AOPEP: variants seen among roughly 807,000 people sequenced by gnomAD.
AOPEP encodes the protein aminopeptidase O.
Under a neutral mutation model 98.1 loss-of-function variants are expected in AOPEP, and 77 were observed. The ratio of observed to expected loss-of-function variants is 0.78; its 90% CI spans 0.65 to 0.95. The LOEUF is 0.95. Among genes scored for constraint, AOPEP ranks in the 40% least tolerant of loss-of-function variants. AOPEP has a pLI of 0.00. For missense variants in AOPEP, 1,024 were observed against 1,024.7 expected, an observed-to-expected ratio of 1.00 and a Z score of 0.01; for synonymous variants, 346 against 365.3, an observed-to-expected ratio of 0.95 and a Z score of 0.60.
At chr9:95,077,719 CG>C (rs1433235696) in intron 14 of AOPEP, among the ~76,000 whole-genome samples, 1 of 152,106 alleles carries the variant, frequency 6.6e-6, no homozygotes, top group East Asian at 1.9e-4. Flanking sequence ...TGAAGCCCCT[CG>C]GTGGTCTGGA....
intron 5 of AOPEP, among the ~76,000 whole-genome samples, chr9:94,841,410 G>A (rs2042256019): frequency 6.6e-6 from 1 of 152,124 alleles, no homozygotes; most frequent in Non-Finnish European, 1.5e-5. Context: ...CTAACCTCAG[G>A]TGATCCGCCT....
chr9:94,921,822 G>A (rs2053653418), intron 5 of AOPEP, among the ~76,000 whole-genome samples: 1 of 152,126 alleles, frequency 6.6e-6, no homozygotes, highest in Non-Finnish European at 1.5e-5. Flanking sequence ...GCAGATAGTG[G>A]GGTCATTTGT....
intron 7 of AOPEP, among the ~76,000 whole-genome samples, chr9:94,943,603 A>G (rs1266740776): frequency 6.7e-6 from 1 of 149,304 alleles, no homozygotes; most frequent in Non-Finnish European, 1.5e-5. Flanking sequence ...CAAATAAAAA[A>G]AAAAAAGAAA....
At chr9:94,895,590 T>G (rs937441841) in intron 5 of AOPEP, among the ~76,000 whole-genome samples, 1 of 152,058 alleles carries the variant, frequency 6.6e-6, no homozygotes, top group Non-Finnish European at 1.5e-5. Flanking sequence ...CCTGCTTTTT[T>G]CTTTTTTCTT....
intron 7 of AOPEP, among the ~76,000 whole-genome samples, chr9:94,935,933 A>G (rs1248086520): frequency 6.6e-6 from 1 of 152,144 alleles, no homozygotes; most frequent in Non-Finnish European, 1.5e-5. Context: ...AGGTCCACCC[A>G]CAACAGGGTA....
chr9:94,892,841 G>A (rs2049026055), intron 5 of AOPEP, among the ~76,000 whole-genome samples: 1 of 152,138 alleles, frequency 6.6e-6, no homozygotes, highest in Admixed American at 6.5e-5. Flanking sequence ...AGCCTGTCAA[G>A]TAGGTAGGAC....
intron 16 of AOPEP, among the ~76,000 whole-genome samples, chr9:95,083,547 C>A (rs944243570): frequency 2.7e-5 from 4 of 149,296 alleles, no homozygotes; most frequent in Non-Finnish European, 5.9e-5. Flanking sequence ...AGAGTACACG[C>A]GGCACACACA....
intron 13 of AOPEP, 89 bp downstream of exon 13, chr9:95,005,705 T>C: frequency 2.9e-6 from 3 of 1,040,614 alleles, no homozygotes; most frequent in Non-Finnish European, 4.5e-6. Context: ...AGAGTAGTGT[T>C]TAATTTAAAA....
At chr9:95,033,027 A>C (rs909065156) in intron 13 of AOPEP, among the ~76,000 whole-genome samples, 2 of 152,188 alleles carry the variant, frequency 1.3e-5, no homozygotes, top group Non-Finnish European at 2.9e-5. Context: ...TGCAGTTGGA[A>C]AAAGTGCAGT....
intron 3 of AOPEP, among the ~76,000 whole-genome samples, chr9:94,785,408 G>T (rs77350276): frequency 0.016 from 2,493 of 152,302 alleles, 78 homozygotes; most frequent in African/African-American, 0.056. Context: ...TACGATACAT[G>T]TATCTTACTA....
intron 7 of AOPEP, among the ~76,000 whole-genome samples, chr9:94,952,876 A>G (rs2058202736): frequency 1.3e-5 from 2 of 152,236 alleles, no homozygotes; most frequent in South Asian, 2.1e-4. Flanking sequence ...TTTGGAGAGG[A>G]TGGAAGAAGA....
intron 13 of AOPEP, among the ~76,000 whole-genome samples, chr9:95,044,059 C>T (rs1159764901): frequency 6.6e-6 from 1 of 152,122 alleles, no homozygotes; most frequent in Non-Finnish European, 1.5e-5. Context: ...TGAGATAACA[C>T]GTGCGAAGTT....
At chr9:94,733,764 C>T (rs1045969135) in intron 1 of AOPEP, among the ~76,000 whole-genome samples, 7 of 152,100 alleles carry the variant, frequency 4.6e-5, no homozygotes, top group Non-Finnish European at 7.4e-5. Flanking sequence ...TAAGCTATAC[C>T]AAATGCATTT....
chr9:94,871,090 A>G (rs1327295678), intron 5 of AOPEP, among the ~76,000 whole-genome samples: 1 of 152,218 alleles, frequency 6.6e-6, no homozygotes, highest in African/African-American at 2.4e-5. Flanking sequence ...ATTCTCTGCA[A>G]AGGTCTGTAG....
chr9:94,946,548 T>C (rs2057651317), intron 7 of AOPEP, among the ~76,000 whole-genome samples: 1 of 152,186 alleles, frequency 6.6e-6, no homozygotes, highest in Non-Finnish European at 1.5e-5. Flanking sequence ...GCCTGATCCT[T>C]AGAATGGCCC....
intron 5 of AOPEP, among the ~76,000 whole-genome samples, chr9:94,807,707 C>T (rs1849538570): frequency 6.6e-6 from 1 of 152,218 alleles, no homozygotes; most frequent in Admixed American, 6.5e-5. Context: ...GGGATATTCC[C>T]AATCTTGCAA....
intron 5 of AOPEP, among the ~76,000 whole-genome samples, chr9:94,839,966 C>G (rs74860209): frequency 0.031 from 4,667 of 152,194 alleles, 242 homozygotes; most frequent in African/African-American, 0.11. Flanking sequence ...TGGTGCCTTG[C>G]TATGTTGTCC....
chr9:95,122,714 A>C, the AOPEP span, among the ~76,000 whole-genome samples: 2 of 152,338 alleles, frequency 1.3e-5, no homozygotes, highest in African/African-American at 4.8e-5. Flanking sequence ...AAGAGGCGCG[A>C]GCTAACCCTA....
chr9:94,793,677 G>T (rs1379051583), intron 4 of AOPEP, among the ~76,000 whole-genome samples: 1 of 127,462 alleles, frequency 7.8e-6, no homozygotes, highest in Non-Finnish European at 1.7e-5. Flanking sequence ...CTCTGTCTTG[G>T]AAAAAAAAAA....
Sources: allele counts gnomAD v4.1 joint callset (sites outside exome capture counted in the v4.1 genomes callset), GRCh38; gene constraint gnomAD v4.1.1; transcripts MANE v1.5; gene names NCBI Gene and HGNC (gene_info 2026-07-23, HGNC 2026-07-21).